The following CHD9 variants were observed in gnomAD, a reference collection of about 807,000 sequenced individuals.
CHD9 encodes chromodomain helicase DNA binding protein 9.
In CHD9, 77 loss-of-function variants were observed where a neutral mutation model predicts 316.1. That is an observed-to-expected ratio of 0.24 (90% CI 0.20 to 0.29). The LOEUF (loss-of-function observed/expected upper bound fraction) is 0.29. Ranked by LOEUF, CHD9 falls within the 10% of genes least tolerant of loss-of-function variation. The pLI, the probability that CHD9 is intolerant of heterozygous loss-of-function variation, is 1.00. For synonymous variants in CHD9, 1,129 were observed against 1,158.3 expected (o/e 0.97, Z 0.51); for missense variants, 2,763 against 3,438.1 (o/e 0.80, Z 4.91).
At chr16:53,143,903 A>G (rs527669036) in intron 1 of CHD9, among the ~76,000 whole-genome samples, 1 of 152,300 alleles carries the variant, frequency 6.6e-6, no homozygotes, top group African/African-American at 2.4e-5. Flanking sequence ...CAGTTAATGT[A>G]ATGACCTTTT....
intron 1 of CHD9, among the ~76,000 whole-genome samples, chr16:53,118,607 C>G (rs969038925): frequency 6.6e-6 from 1 of 152,026 alleles, no homozygotes; most frequent in Admixed American, 6.6e-5. Flanking sequence ...TCCTGGTTGG[C>G]ATGTTGTTAC....
chr16:53,259,818 T>C (rs1321156018), intron 19 of CHD9, among the ~76,000 whole-genome samples: 1 of 152,188 alleles, frequency 6.6e-6, no homozygotes, highest in Non-Finnish European at 1.5e-5. Flanking sequence ...CCCAGCCTGC[T>C]TTTCATGTTA....
Position 53,146,419 on chromosome 16 carries a change from G to GTATGTGTATATATATATATATATATA in CHD9, c.-164-9504_-164-9503insGTGTATATATATATATATATATATAT, listed in dbSNP as rs59577921. 2.6e-4 allele frequency among the ~76,000 whole-genome samples: 20 copies of GTATGTGTATATATATATATATATATA among 76,702 alleles called. 2 individuals are homozygous for GTATGTGTATATATATATATATATATA. The highest frequency in any genetic ancestry group is 2.4e-3 in the East Asian group (7 of 2,866). The allele number at this position is 76,702 out of a possible 152,430, so 50.3% of individuals were successfully genotyped here. A position where few individuals can be genotyped will look rare whatever the true frequency, so the allele number is the denominator to read the frequency against. On this transcript the variant is annotated intron_variant, in intron 1 of 38. Transcript: ENST00000447540. ...AAAAAAAAATTGTGTGTGTGTGTAT[G>GTATGTGTATATATATATATATATATA]TATATATATATATATATAATTAAAA...
chr16:53,196,670 A>C (rs2044950800), intron 2 of CHD9, among the ~76,000 whole-genome samples: 2 of 152,164 alleles, frequency 1.3e-5, no homozygotes, highest in South Asian at 2.1e-4. Flanking sequence ...TGAACAGTAC[A>C]CTTAGTTCAA....
In CHD9 at chr16:53,314,358, G is replaced by A; in HGVS notation, c.7223-19G>A. ...AGAACTAAATTTGTATCACCATTTT[G>A]CATTTTTAATTCAATTAGGTACTTC... On this transcript the variant is annotated intron_variant, in intron 34 of 38. Coordinates refer to ENST00000447540, the MANE Select transcript of CHD9 (RefSeq NM_001308319.2). 1 of 1,518,428 alleles carries A rather than the reference G, an allele frequency of 6.6e-7. No individual in the cohort carries two copies. The highest frequency in any genetic ancestry group is 8.8e-7 in the Non-Finnish European group (1 of 1,132,304). The allele number at this position is 1,518,428 out of a possible 1,614,324, so 94.1% of individuals were successfully genotyped here.
intron 1 of CHD9, among the ~76,000 whole-genome samples, chr16:53,103,488 G>C (rs1222743291): frequency 1.3e-5 from 2 of 152,190 alleles, no homozygotes; most frequent in Non-Finnish European, 2.9e-5. Context: ...ATCTTTGTGT[G>C]AGTTCTCTAT....
chr16:53,067,004 G>A (rs1476521346), intron 1 of CHD9, among the ~76,000 whole-genome samples: 2 of 152,144 alleles, frequency 1.3e-5, no homozygotes, highest in Non-Finnish European at 2.9e-5. Context: ...GTGCAATGGT[G>A]CGATCTTGGC....
intron 2 of CHD9, among the ~76,000 whole-genome samples, chr16:53,198,750 A>G (rs911247464): frequency 2.0e-5 from 3 of 152,170 alleles, no homozygotes; most frequent in African/African-American, 7.2e-5. Flanking sequence ...TAAGTCAAAC[A>G]TGCTCAATTG....
rs549413771 is a variant in CHD9, at chr16:53,203,762, G to A, written c.1453-5720G>A. 9.2e-5 allele frequency among the ~76,000 whole-genome samples: 14 copies of A among 151,956 alleles called. No homozygotes were observed. In the East Asian group the frequency reaches 9.7e-4, roughly 11 times the overall value. On this transcript the variant is annotated intron_variant, in intron 2 of 38. Transcript: ENST00000447540. ...AGTAGAGCCAGGCGTGGTGGCTCAC[G>A]CTTGTAATCCCAGCACTATGGGAGG...
intron 15 of CHD9, among the ~76,000 whole-genome samples, chr16:53,246,158 T>A (rs997881310): frequency 3.9e-5 from 6 of 152,374 alleles, no homozygotes; most frequent in African/African-American, 1.4e-4. Flanking sequence ...TGCCATTTTT[T>A]TCCTGGTTTC....
At position 53,324,033 on chromosome 16, in the gene CHD9, A is replaced by C. The variant is rs754194326; in HGVS notation, c.7832A>C (p.Glu2611Ala). The C allele has an allele frequency of 2.9e-5, 46 of 1,600,556 alleles. No individual in the cohort carries two copies. The South Asian group carries it at 4.9e-4, about 17-fold the overall frequency. ...DVVKQSGFLP[E>A]SMYERILTGP... ...TATTTCTTCCAGGGATTTCTTCCAG[A>C]AAGCATGTATGAACGTATTCTCACT... is the stretch of plus-strand genomic sequence containing the variant. Residue 2611 changes from glutamate to alanine, a missense_variant, in exon 39 of 39, where the codon GAA becomes GCA. Transcript: ENST00000447540.
intron 1 of CHD9, among the ~76,000 whole-genome samples, chr16:53,074,542 G>A (rs1221390777): frequency 6.6e-6 from 1 of 152,172 alleles, no homozygotes; most frequent in East Asian, 1.9e-4. Flanking sequence ...TTGTGGATAG[G>A]CCCCAGGGTC....
intron 32 of CHD9, 82 bp downstream of exon 32, chr16:53,306,479 T>TTTCCACATA: frequency 8.4e-7 from 1 of 1,189,196 alleles, no homozygotes; most frequent in Non-Finnish European, 1.1e-6. Context: ...TCTTACTATG[T>TTTCCACATA]GGAAACATAG....
At position 53,326,500 on chromosome 16, in the gene CHD9, T is replaced by A. The variant is rs1204019814; in HGVS notation, c.*1605T>A. Reference sequence around the variant, plus strand: ...ATGTTTCTGTATGTAAAATAACCCCTTATTAGAGAGACAGTGTTATATGTA... The same window carrying A: ...ATGTTTCTGTATGTAAAATAACCCCATATTAGAGAGACAGTGTTATATGTA... On this transcript the variant is annotated 3_prime_UTR_variant, in exon 39 of 39. Transcript: ENST00000447540. 6.6e-6 allele frequency: 1 copy of A among 152,506 alleles called. No homozygotes were observed. The highest frequency in any genetic ancestry group is 2.4e-5 in the African/African-American group (1 of 41,456). 9.4% of individuals were successfully genotyped at this position (152,506 alleles called of 1,614,324 possible). A position where few individuals can be genotyped will look rare whatever the true frequency, so the allele number is the denominator to read the frequency against.
At chr16:53,177,957 G>A (rs1263227715) in intron 2 of CHD9, among the ~76,000 whole-genome samples, 5 of 152,174 alleles carry the variant, frequency 3.3e-5, no homozygotes, top group Non-Finnish European at 7.3e-5. Context: ...GGCTATGTAT[G>A]TAAGTGCCAT....
chr16:53,246,391 A>G (rs1161424600), intron 15 of CHD9, among the ~76,000 whole-genome samples: 1 of 152,216 alleles, frequency 6.6e-6, no homozygotes, highest in African/African-American at 2.4e-5. Flanking sequence ...GGAAAGGAAT[A>G]CAGAGAGCCT....
chr16:53,180,824 C>T lies in CHD9; in HGVS notation c.1452+23283C>T, dbSNP rs371376542. ...AGTATTAGCTGGGACTACAGGCGCC[C>T]GCCACCACGCCCGGCTAATTTTTTG... On this transcript the variant is annotated intron_variant, in intron 2 of 38. Transcript: ENST00000447540. Among the ~76,000 whole-genome samples the T allele has an allele frequency of 1.1e-4, 17 of 151,966 alleles. No individual in the cohort carries two copies. In the South Asian group the frequency reaches 1.9e-3, roughly 17 times the overall value.
intron 19 of CHD9, among the ~76,000 whole-genome samples, chr16:53,256,715 T>C (rs1412080009): frequency 6.6e-6 from 1 of 151,934 alleles, no homozygotes; most frequent in Non-Finnish European, 1.5e-5. Flanking sequence ...TAGTTTATTA[T>C]TGGAGTATTC....
At chr16:53,241,016 T>C (rs1211993151) in intron 12 of CHD9, among the ~76,000 whole-genome samples, 1 of 152,188 alleles carries the variant, frequency 6.6e-6, no homozygotes, top group Non-Finnish European at 1.5e-5. Context: ...TCCCAGGTTT[T>C]TAGAGCTGTA....
Sources: gnomAD v4.1 joint callset for allele counts (sites outside exome capture counted in the v4.1 genomes callset) on GRCh38, gnomAD v4.1.1 for gene constraint, MANE v1.5 for transcripts, NCBI Gene and HGNC (gene_info 2026-07-23, HGNC 2026-07-21) for gene names.